Variants in MVK observed in about 807,000 individuals in gnomAD.
MVK encodes the protein LH receptor mRNA-binding protein.
In MVK, 34 loss-of-function variants were observed where a neutral mutation model predicts 43.2. The ratio of observed to expected loss-of-function variants is 0.79; its 90% CI spans 0.60 to 1.05. The LOEUF is 1.05. Ranked by LOEUF, MVK falls within the 50% of genes least tolerant of loss-of-function variation. The pLI is 0.00. For missense variants in MVK, 395 were observed against 504.0 expected, an observed-to-expected ratio of 0.78 and a Z score of 2.07; for synonymous variants, 190 against 219.8, an observed-to-expected ratio of 0.86 and a Z score of 1.20.
chr12:109,593,363 C>T (rs72648037), intron 9 of MVK, among the ~76,000 whole-genome samples: 8,077 of 152,288 alleles, frequency 0.053, 294 homozygotes, highest in Middle Eastern at 0.095. Flanking sequence ...CATCCCCATG[C>T]GGGAGAGCTA....
Position 109,596,663 on chromosome 12 carries a change from G to C in MVK, c.*86G>C, listed in dbSNP as rs1566154128. ...GCAGTTCGACTCTGTGCTGGCCAGC[G>C]AGCGCCCAGCTCCTGACACTGCTGG... On this transcript the variant is annotated 3_prime_UTR_variant, in exon 11 of 11. Coordinates refer to ENST00000228510, the MANE Select transcript of MVK (RefSeq NM_000431.4). 1.3e-6 allele frequency: 2 copies of C among 1,544,526 alleles called. No individual in the cohort carries two copies. The highest frequency in any genetic ancestry group is 3.6e-5 in the Admixed American group (2 of 55,488).
chr12:109,590,450 C>T (rs1412068393), intron 7 of MVK: 1 of 410,272 alleles, frequency 2.4e-6, no homozygotes, highest in Non-Finnish European at 4.6e-6. Context: ...GCCAGAAAAA[C>T]CTTCTCGGCC....
chr12:109,591,616 A>G (rs573455103), intron 9 of MVK, among the ~76,000 whole-genome samples: 4 of 152,358 alleles, frequency 2.6e-5, no homozygotes, highest in East Asian at 3.9e-4. Flanking sequence ...GCTAAGTGCA[A>G]TGGAAACAGG....
Position 109,594,396 on chromosome 12 carries a change from C to T in MVK, c.886-632C>T, listed in dbSNP as rs566113911. Among the ~76,000 whole-genome samples the T allele has an allele frequency of 2.0e-5, 3 of 152,338 alleles. No individual in the cohort carries two copies. The South Asian group carries it at 6.2e-4, about 32-fold the overall frequency. On this transcript the variant is annotated intron_variant, in intron 9 of 10. Transcript: ENST00000228510. ...GCTTATGGCCTTGCTGGAGTTACAC[C>T]TAGTTCTTATTCTGAAACCAGTCCC... is the stretch of plus-strand genomic sequence containing the variant.
At chr12:109,590,326 C>T (rs949762544) in intron 7 of MVK, 6 of 315,262 alleles carry the variant, frequency 1.9e-5, no homozygotes, top group African/African-American at 4.3e-5. Context: ...ATGACTGTGC[C>T]GGGTTCCGCC....
chr12:109,586,085 C>G lies in MVK; in HGVS notation c.591C>G (p.His197Gln). Residue 197 changes from histidine (H) to glutamine (Q), a missense_variant, in exon 6 of 11, where the codon CAC (histidine) becomes CAG (glutamine). Physicochemically the swap from His to Gln is conservative, Grantham distance 24. Coordinates refer to ENST00000228510, the MANE Select transcript of MVK (RefSeq NM_000431.4). ...CCTTCCAAGGGGAGAGAATGATTCA[C>G]GGGAACCCCTCCGGAGTGGACAATG... ...KWAFQGERMIHGNPSGVDNAV... is the reference protein window; with the variant it reads ...KWAFQGERMIQGNPSGVDNAV... The G allele has an allele frequency of 6.2e-7, 1 of 1,614,182 alleles. No homozygotes were observed. The highest frequency in any genetic ancestry group is 1.3e-5 in the African/African-American group (1 of 75,052).
intron 7 of MVK, among the ~76,000 whole-genome samples, chr12:109,587,702 C>T (rs1395074211): frequency 6.6e-6 from 1 of 152,178 alleles, no homozygotes; most frequent in Non-Finnish European, 1.5e-5. Flanking sequence ...TGGGCCACTC[C>T]ATTAGTGGCT....
At position 109,596,538 on chromosome 12, in the gene MVK, C is replaced by T. The variant is rs985008533; in HGVS notation, c.1152C>T (p.Ser384=). The change falls in exon 11 of 11, where the codon TCC becomes TCT. Residue 384 remains serine, a synonymous_variant. Transcript: ENST00000228510. ...APGVSIHSAT[S]LDSRVQQALD... ...GCGTCTCCATCCACTCAGCCACCTC[C>T]CTGGACAGCCGAGTCCAGCAAGCCC... 1.2e-6 allele frequency: 2 copies of T among 1,612,080 alleles called. No individual in the cohort carries two copies. Among genetic ancestry groups the T allele is most frequent in the Non-Finnish European group, 1.7e-6 (2 of 1,179,934 alleles).
At chr12:109,583,410 C>T (rs890442833) in intron 5 of MVK, among the ~76,000 whole-genome samples, 23 of 152,048 alleles carry the variant, frequency 1.5e-4, no homozygotes, top group African/African-American at 4.8e-4. Flanking sequence ...CATCCATGTC[C>T]CTACAAAGGA....
intron 4 of MVK, among the ~76,000 whole-genome samples, chr12:109,580,405 A>G (rs926365747): frequency 1.3e-5 from 2 of 152,160 alleles, no homozygotes; most frequent in Non-Finnish European, 2.9e-5. Flanking sequence ...ACCCGGCCCC[A>G]GCCTCTCTGT....
At chr12:109,593,832 C>T (rs1263046333) in intron 9 of MVK, among the ~76,000 whole-genome samples, 2 of 150,012 alleles carry the variant, frequency 1.3e-5, no homozygotes, top group South Asian at 2.1e-4. Flanking sequence ...ATCCTCGTGC[C>T]GCAGCCTCCT....
chr12:109,592,355 A>C (rs1885724868), intron 9 of MVK, among the ~76,000 whole-genome samples: 2 of 152,212 alleles, frequency 1.3e-5, no homozygotes, highest in Admixed American at 1.3e-4. Flanking sequence ...GCTGTTAGCC[A>C]TCTGGCTGCC....
rs370256557 is a variant in MVK, at chr12:109,579,808, G to A, written c.233G>A (p.Gly78Asp). Residue 78 changes from glycine (G) to aspartate (D), a missense_variant, in exon 4 of 11, where the codon GGT becomes GAT. Transcript: ENST00000228510. Reference sequence around the variant, plus strand: ...TTGTTTGCCTGTGGAACAGAGCAAGGTGATGTCACAACACCCACCTCAGAG... The same window carrying A: ...TTGTTTGCCTGTGGAACAGAGCAAGATGATGTCACAACACCCACCTCAGAG... ...QSLDTSFLEQGDVTTPTSEQV... is the reference protein window; with the variant it reads ...QSLDTSFLEQDDVTTPTSEQV... 2.5e-6 allele frequency: 4 copies of A among 1,614,134 alleles called. No homozygotes were observed. In the African/African-American group the frequency reaches 4.0e-5, roughly 16 times the overall value.
At chr12:109,578,336 G>A (rs942387843) in intron 3 of MVK, among the ~76,000 whole-genome samples, 8 of 151,372 alleles carry the variant, frequency 5.3e-5, no homozygotes, top group Admixed American at 3.3e-4. Context: ...GGGCTCAAGT[G>A]TTCTTCTGCC....
At chr12:109,585,702 G>C (rs1332010438) in intron 5 of MVK, among the ~76,000 whole-genome samples, 1 of 152,118 alleles carries the variant, frequency 6.6e-6, no homozygotes, top group East Asian at 1.9e-4. Context: ...CCGGGAGAAA[G>C]TGAGCTGAGA....
chr12:109,577,121 A>C (rs1040435286), intron 3 of MVK, among the ~76,000 whole-genome samples: 1 of 152,166 alleles, frequency 6.6e-6, no homozygotes, highest in Non-Finnish European at 1.5e-5. Flanking sequence ...GGCCATATAA[A>C]CCATTCAGAA....
chr12:109,581,624 C>T, intron 5 of MVK, 74 bp downstream of exon 5: 2 of 1,599,478 alleles, frequency 1.3e-6, no homozygotes, highest in Non-Finnish European at 8.6e-7. Context: ...TCACTGAGAC[C>T]TCACCACCTC....
In MVK at chr12:109,595,541, T is replaced by C. The variant is rs148095645; in HGVS notation, c.1039+360T>C. On this transcript the variant is annotated intron_variant, in intron 10 of 10. Coordinates refer to ENST00000228510, the MANE Select transcript of MVK (RefSeq NM_000431.4). The surrounding 1 kb of genome is among the most constrained non-coding windows in gnomAD (Gnocchi z 5.9). ...CCTTGCCCCACTTGTACCCTTGATG[T>C]GGTCAGGATGCGGTTGATTTTGCTA... Among the ~76,000 whole-genome samples, 54 of 152,258 alleles carry C rather than the reference T, an allele frequency of 3.5e-4. No homozygotes were observed. Among genetic ancestry groups the C allele is most frequent in the African/African-American group, 1.2e-3 (50 of 41,554 alleles).
At chr12:109,578,098 G>A (rs1450661059) in intron 3 of MVK, among the ~76,000 whole-genome samples, 3 of 152,118 alleles carry the variant, frequency 2.0e-5, no homozygotes, top group African/African-American at 7.2e-5. Context: ...ATGAGGATCC[G>A]ACGACACTGG....
Sources: gnomAD v4.1 joint callset for allele counts (sites outside exome capture counted in the v4.1 genomes callset) on GRCh38, gnomAD v4.1.1 for gene constraint, Gnocchi (gnomAD v3.1) non-coding constraint, MANE v1.5 for transcripts, NCBI Gene and HGNC (gene_info 2026-07-23, HGNC 2026-07-21) for gene names.